Variants in PRKACB observed in about 807,000 individuals in gnomAD.
PRKACB encodes protein kinase cAMP-activated catalytic subunit beta, also known as cAMP-dependent protein kinase catalytic subunit beta.
A neutral mutation model predicts 51.4 loss-of-function variants in PRKACB; 16 were observed. The ratio of observed to expected loss-of-function variants is 0.31; its 90% CI spans 0.21 to 0.47. The LOEUF is 0.47. Among genes scored for constraint, PRKACB ranks in the 20% least tolerant of loss-of-function variants. The pLI, the probability that PRKACB is intolerant of heterozygous loss-of-function variation, is 1.00. For synonymous variants in PRKACB, 147 were observed against 154.4 expected (o/e 0.95, Z 0.35); for missense variants, 309 against 464.5 (o/e 0.67, Z 3.08).
chr1:84,157,992 T>C (rs1655714558), intron 1 of PRKACB, among the ~76,000 whole-genome samples: 1 of 152,128 alleles, frequency 6.6e-6, no homozygotes, highest in Non-Finnish European at 1.5e-5. Flanking sequence ...GGTGGTACCA[T>C]TTTATGTTTT....
intron 9 of PRKACB, among the ~76,000 whole-genome samples, chr1:84,218,936 T>A (rs920576263): frequency 5.9e-5 from 9 of 152,206 alleles, no homozygotes; most frequent in Non-Finnish European, 1.0e-4. Flanking sequence ...ATTGTAAATC[T>A]GGTTTTGAGA....
chr1:84,100,811 T>C (rs1282442181), intron 1 of PRKACB, among the ~76,000 whole-genome samples: 1 of 152,198 alleles, frequency 6.6e-6, no homozygotes, highest in Non-Finnish European at 1.5e-5. Context: ...CTCTTTGAGG[T>C]GGGAACCATG....
At chr1:84,100,415 A>G (rs1209965628) in intron 1 of PRKACB, among the ~76,000 whole-genome samples, 1 of 152,208 alleles carries the variant, frequency 6.6e-6, no homozygotes, top group East Asian at 1.9e-4. Context: ...ATAAAAAGAT[A>G]TAAAAGTGAA....
Position 84,112,471 on chromosome 1 carries a change from A to G in PRKACB, c.46+34100A>G, listed in dbSNP as rs377695913. The stretch of plus-strand genomic sequence containing the variant: ...AGGCTGGTCTCGAACTCCTGACCAC[A>G]AGTGATCCACCTGCCTCGGCCTCCC... On this transcript the variant is annotated intron_variant, in intron 1 of 8. Transcript: ENST00000370688. Among the ~76,000 whole-genome samples, 41 of 152,172 alleles carry G rather than the reference A, an allele frequency of 2.7e-4. 1 individual carries two copies. In the South Asian group the frequency reaches 6.4e-3, roughly 24 times the overall value.
intron 3 of PRKACB, 141 bp downstream of exon 3, chr1:84,182,469 T>G: frequency 1.6e-6 from 1 of 616,676 alleles, no homozygotes; most frequent in Non-Finnish European, 2.3e-6. Context: ...TGTAACTAAA[T>G]TTTTATTGTA....
chr1:84,124,182 A>G (rs1651352257), intron 1 of PRKACB, among the ~76,000 whole-genome samples: 2 of 152,322 alleles, frequency 1.3e-5, no homozygotes, highest in South Asian at 4.1e-4. Context: ...GAAACTCACA[A>G]AAAGAAGTAT....
At chr1:84,225,226 C>T (rs1298067590) in intron 9 of PRKACB, among the ~76,000 whole-genome samples, 1 of 152,152 alleles carries the variant, frequency 6.6e-6, no homozygotes, top group Non-Finnish European at 1.5e-5. Context: ...TCCTCATGCC[C>T]CCAAATAGCA....
chr1:84,149,836 A>G (rs1368160583), intron 1 of PRKACB, among the ~76,000 whole-genome samples: 1 of 152,192 alleles, frequency 6.6e-6, no homozygotes, highest in Non-Finnish European at 1.5e-5. Flanking sequence ...CTTTTGCATT[A>G]AATTAATTGA....
At chr1:84,141,882 G>T (rs1287725279), upstream of PRKACB, among the ~76,000 whole-genome samples, 1 of 152,062 alleles carries the variant, frequency 6.6e-6, no homozygotes, top group East Asian at 1.9e-4. Flanking sequence ...GGGAAAACAA[G>T]AAGTTAAGAA....
Position 84,100,293 on chromosome 1 carries a change from C to T in PRKACB, c.46+21922C>T, listed in dbSNP as rs544103652. ...TGATCCAATCACTTCCCACTGGGTC[C>T]CTCCCTCAACACGTGGGGATTATGG... On this transcript the variant is annotated intron_variant, in intron 1 of 8. Transcript: ENST00000370688. Among the ~76,000 whole-genome samples, 10 of 152,190 alleles carry T rather than the reference C, an allele frequency of 6.6e-5. No individual in the cohort carries two copies. In the East Asian group the frequency reaches 9.7e-4, roughly 15 times the overall value.
intron 1 of PRKACB, among the ~76,000 whole-genome samples, chr1:84,119,738 C>T (rs954563786): frequency 8.5e-5 from 13 of 152,084 alleles, no homozygotes; most frequent in African/African-American, 3.1e-4. Context: ...TATGTACACA[C>T]ATACATAGGC....
At position 84,237,692 on chromosome 1, in the gene PRKACB, G is replaced by A. The variant is rs931997579; in HGVS notation, c.*2387G>A. 1 of 152,096 alleles carries A rather than the reference G, an allele frequency of 6.6e-6. No homozygotes were observed. The highest frequency in any genetic ancestry group is 6.5e-5 in the Admixed American group (1 of 15,284). The allele number at this position is 152,096 out of a possible 1,614,324, so 9.4% of individuals were successfully genotyped here. A position where few individuals can be genotyped will look rare whatever the true frequency, so the allele number is the denominator to read the frequency against. ...TTAGCCAAGAATAAGATAAAAACTTGAATAAGAAGTAAGTAGCATAAATCA... is the reference window on the plus strand; with the variant it reads ...TTAGCCAAGAATAAGATAAAAACTTAAATAAGAAGTAAGTAGCATAAATCA... On this transcript the variant is annotated 3_prime_UTR_variant, in exon 10 of 10. Transcript: ENST00000370685.
intron 1 of PRKACB, chr1:84,175,755 T>A (rs755673330): frequency 6.5e-7 from 1 of 1,529,668 alleles, no homozygotes; most frequent in Non-Finnish European, 8.8e-7. Flanking sequence ...ATCTCTTGAA[T>A]GTGGGTGAAT....
upstream of PRKACB, chr1:84,144,243 T>G: frequency 6.7e-7 from 1 of 1,493,142 alleles, no homozygotes; most frequent in Non-Finnish European, 8.8e-7. Flanking sequence ...AGTAGTGGTT[T>G]GAATACCCTG....
At chr1:84,138,797 A>C (rs1010213980) in intron 1 of PRKACB, among the ~76,000 whole-genome samples, 1 of 152,196 alleles carries the variant, frequency 6.6e-6, no homozygotes, top group Non-Finnish European at 1.5e-5. Context: ...AATATTAGTA[A>C]GTTGAATCCA....
At chr1:84,085,038 A>G (rs771427638) in intron 1 of PRKACB, among the ~76,000 whole-genome samples, 18 of 152,260 alleles carry the variant, frequency 1.2e-4, no homozygotes, top group Admixed American at 5.2e-4. Context: ...TAAGAATTCT[A>G]TATACTAAAA....
chr1:84,221,587 C>T (rs1365266841), intron 9 of PRKACB, among the ~76,000 whole-genome samples: 1 of 151,904 alleles, frequency 6.6e-6, no homozygotes, highest in African/African-American at 2.4e-5. Flanking sequence ...CCCCTTAGCA[C>T]TGCTTTTCTT....
chr1:84,220,260 T>A (rs1673501287), intron 9 of PRKACB, among the ~76,000 whole-genome samples: 1 of 152,198 alleles, frequency 6.6e-6, no homozygotes, highest in Non-Finnish European at 1.5e-5. Context: ...CTTAGCTTGA[T>A]CATTATTGGT....
chr1:84,149,737 A>G (rs2100632474), intron 1 of PRKACB, among the ~76,000 whole-genome samples: 1 of 152,238 alleles, frequency 6.6e-6, no homozygotes, highest in South Asian at 2.1e-4. Flanking sequence ...TGCCATGATA[A>G]ACATCTTTAT....
Sources: gnomAD v4.1 joint callset for allele counts (sites outside exome capture counted in the v4.1 genomes callset) on GRCh38, gnomAD v4.1.1 for gene constraint, MANE v1.5 for transcripts, NCBI Gene and HGNC (gene_info 2026-07-23, HGNC 2026-07-21) for gene names.